The following TMEM236 variants were observed in gnomAD, a reference collection of about 807,000 sequenced individuals.
The protein encoded by TMEM236 is family with sequence similarity 23, member A.
TMEM236 carries 11 observed loss-of-function variants against 14.7 expected under a neutral mutation model. The ratio of observed to expected loss-of-function variants is 0.75; its 90% CI spans 0.47 to 1.24. TMEM236 has a LOEUF of 1.24. TMEM236 is among the 50% of genes most tolerant of loss of function. The pLI is 0.00. For synonymous variants in TMEM236, 182 were observed against 168.6 expected (o/e 1.08, Z -0.62); for missense variants, 464 against 427.3 (o/e 1.09, Z -0.76).
intron 3 of TMEM236, among the ~76,000 whole-genome samples, chr10:17,776,936 G>T (rs1435081667): frequency 6.6e-6 from 1 of 152,102 alleles, no homozygotes; most frequent in Non-Finnish European, 1.5e-5. Context: ...ATTTCTTGCG[G>T]TAGTATCTGT....
chr10:17,787,756 G>C (rs1837862439), intron 3 of TMEM236, among the ~76,000 whole-genome samples: 1 of 152,152 alleles, frequency 6.6e-6, no homozygotes, highest in East Asian at 1.9e-4. Context: ...ACGCTCCAGG[G>C]CTCTTAAACT....
chr10:17,752,247 A>G lies in TMEM236; in HGVS notation c.-49A>G. 3 of 1,613,886 alleles carry G rather than the reference A, an allele frequency of 1.9e-6. No homozygotes were observed. On this transcript the variant is annotated 5_prime_UTR_variant, in exon 1 of 4. Transcript: ENST00000377495. ...GTGTCTGTGGGTCCATATGCTGCCCACAGTCAAAGAGGGAGTCCCAGGTTC... is the reference window on the plus strand; with the variant it reads ...GTGTCTGTGGGTCCATATGCTGCCCGCAGTCAAAGAGGGAGTCCCAGGTTC...
At chr10:17,791,612 C>T (rs1227645980) in intron 3 of TMEM236, among the ~76,000 whole-genome samples, 2 of 152,192 alleles carry the variant, frequency 1.3e-5, no homozygotes, top group Admixed American at 6.5e-5. Context: ...CATCCCCCAC[C>T]TCTCACCAAA....
chr10:17,787,238 G>A (rs985501300), intron 3 of TMEM236, among the ~76,000 whole-genome samples: 4 of 152,210 alleles, frequency 2.6e-5, no homozygotes, highest in African/African-American at 9.6e-5. Flanking sequence ...ACTGTGGACT[G>A]TGCCATGCCA....
intron 1 of TMEM236, among the ~76,000 whole-genome samples, chr10:17,769,545 G>A (rs969490571): frequency 2.0e-5 from 3 of 152,190 alleles, no homozygotes; most frequent in African/African-American, 4.8e-5. Context: ...CATTGTCATC[G>A]TTTAGAGGTC....
intron 1 of TMEM236, among the ~76,000 whole-genome samples, chr10:17,766,859 T>C (rs1470801286): frequency 6.6e-6 from 1 of 152,150 alleles, no homozygotes; most frequent in African/African-American, 2.4e-5. Context: ...TCTGTTGTTT[T>C]TTTTTGGCAA....
intron 3 of TMEM236, among the ~76,000 whole-genome samples, chr10:17,780,639 G>A (rs1032277951): frequency 3.2e-4 from 48 of 152,266 alleles, no homozygotes; most frequent in East Asian, 2.7e-3. Context: ...GAACTAAGGC[G>A]TGTATGTAGC....
Position 17,752,284 on chromosome 10 carries a change from C to G in TMEM236, c.-12C>G. On this transcript the variant is annotated 5_prime_UTR_variant, in exon 1 of 4. Coordinates refer to ENST00000377495, the MANE Select transcript of TMEM236 (RefSeq NM_001098844.3). ...GGAGTCCCAGGTTCTTGGCAGCTTG[C>G]TTTTCCTCAGGATGGCTTCTGGAAG... 6.2e-7 allele frequency: 1 copy of G among 1,613,936 alleles called. No homozygotes were observed. Among genetic ancestry groups the G allele is most frequent in the East Asian group, 2.2e-5 (1 of 44,866 alleles).
rs1183458684 is a variant in TMEM236 at position 17,797,971 on chromosome 10, A to G, written c.*1467A>G. 2 of 152,290 alleles carry G rather than the reference A, an allele frequency of 1.3e-5. No individual in the cohort carries two copies. Among genetic ancestry groups the G allele is most frequent in the African/African-American group, 4.8e-5 (2 of 41,472 alleles). 9.4% of individuals were successfully genotyped at this position (152,290 alleles called of 1,614,324 possible). A position where few individuals can be genotyped will look rare whatever the true frequency, so the allele number is the denominator to read the frequency against. On this transcript the variant is annotated 3_prime_UTR_variant, in exon 4 of 4. Coordinates refer to ENST00000377495, the MANE Select transcript of TMEM236 (RefSeq NM_001098844.3). ...AAAATTAAAAGTTCGGCTTACAAAT[A>G]TAATAGCCAATGTATCAGTGTCTTA...
intron 1 of TMEM236, among the ~76,000 whole-genome samples, chr10:17,768,384 A>G (rs539698176): frequency 0.11 from 16,763 of 152,142 alleles, 1,051 homozygotes; most frequent in Non-Finnish European, 0.15. Flanking sequence ...AGAACCATAA[A>G]CTGTATACAA....
At chr10:17,757,429 C>G (rs1281076996) in intron 1 of TMEM236, among the ~76,000 whole-genome samples, 1 of 151,442 alleles carries the variant, frequency 6.6e-6, no homozygotes, top group Non-Finnish European at 1.5e-5. Context: ...GAGACCCTGT[C>G]TCTACAAAAA....
rs1483138456 is a variant in TMEM236 at position 17,762,616 on chromosome 10, T to TACATAC, written c.258-8692_258-8691insCATACA. ...ATATATATATATATATATATATATA[T>TACATAC]ATACACACATACATATATATATATA... is the stretch of plus-strand genomic sequence containing the variant. On this transcript the variant is annotated intron_variant, in intron 1 of 3. Coordinates refer to ENST00000377495, the MANE Select transcript of TMEM236 (RefSeq NM_001098844.3). Among the ~76,000 whole-genome samples, 54 of 54,200 alleles carry TACATAC rather than the reference T, an allele frequency of 1.0e-3. 1 individual carries two copies. The highest frequency in any genetic ancestry group is 2.6e-3 in the African/African-American group (37 of 14,442). 35.6% of individuals were successfully genotyped at this position (54,200 alleles called of 152,430 possible).
intron 3 of TMEM236, among the ~76,000 whole-genome samples, chr10:17,784,490 A>G (rs920485582): frequency 6.6e-6 from 1 of 152,214 alleles, no homozygotes; most frequent in South Asian, 2.1e-4. Flanking sequence ...AGGAAACCTC[A>G]TTGAGTGACC....
intron 1 of TMEM236, among the ~76,000 whole-genome samples, chr10:17,753,750 T>C (rs1039198152): frequency 6.6e-6 from 1 of 152,242 alleles, no homozygotes; most frequent in East Asian, 1.9e-4. Context: ...TTATATTCCT[T>C]TGGGTATATA....
chr10:17,752,726 C>G (rs1229551787), intron 1 of TMEM236, among the ~76,000 whole-genome samples, 174 bp downstream of exon 1: 2 of 152,056 alleles, frequency 1.3e-5, no homozygotes, highest in African/African-American at 4.8e-5. Context: ...ACCACCACAC[C>G]TGGCTTATTT....
chr10:17,757,618 A>G lies in TMEM236; in HGVS notation c.257+5066A>G, dbSNP rs889797208. On this transcript the variant is annotated intron_variant, in intron 1 of 3. Coordinates refer to ENST00000377495, the MANE Select transcript of TMEM236 (RefSeq NM_001098844.3). ...TGTCTCAAAAAAAAAAAAAAAAGCT[A>G]TGTAATGGGGGAGCTAGGATTTGTG... Among the ~76,000 whole-genome samples the G allele has an allele frequency of 3.9e-3, 583 of 150,084 alleles. 8 individuals carry two copies. The highest frequency in any genetic ancestry group is 0.014 in the African/African-American group (564 of 40,902).
Position 17,800,195 on chromosome 10 carries a change from A to G in TMEM236, c.*3691A>G, listed in dbSNP as rs34847442. 56,987 of 150,520 alleles carry G rather than the reference A, an allele frequency of 0.38. 11,025 individuals carry two copies. The highest frequency in any genetic ancestry group is 0.44 in the African/African-American group (18,089 of 41,028). 9.3% of individuals were successfully genotyped at this position (150,520 alleles called of 1,614,324 possible). On this transcript the variant is annotated 3_prime_UTR_variant, in exon 4 of 4. Coordinates refer to ENST00000377495, the MANE Select transcript of TMEM236 (RefSeq NM_001098844.3). The stretch of plus-strand genomic sequence containing the variant: ...TGCAGTGAGCTGAGATCTCGCCACT[A>G]TGCTCCAGCCTGGGCAACAGATTGA...
At chr10:17,787,298 T>C (rs937575805) in intron 3 of TMEM236, among the ~76,000 whole-genome samples, 1 of 152,216 alleles carries the variant, frequency 6.6e-6, no homozygotes, top group Non-Finnish European at 1.5e-5. Flanking sequence ...ACATCCTCTC[T>C]TAGTGTTGAG....
At chr10:17,772,570 T>C (rs1423334540) in intron 2 of TMEM236, among the ~76,000 whole-genome samples, 3 of 152,188 alleles carry the variant, frequency 2.0e-5, no homozygotes, top group African/African-American at 7.2e-5. Context: ...TCTTCCATTG[T>C]TACATCTTTT....
Sources: gnomAD v4.1 joint callset for allele counts (sites outside exome capture counted in the v4.1 genomes callset) on GRCh38, gnomAD v4.1.1 for gene constraint, MANE v1.5 for transcripts, NCBI Gene and HGNC (gene_info 2026-07-23, HGNC 2026-07-21) for gene names.